The following DLG5 variants were observed in gnomAD, a reference collection of about 807,000 sequenced individuals.
The protein encoded by DLG5 is disks large homolog 5.
Under a neutral mutation model 189.8 loss-of-function variants are expected in DLG5, and 48 were observed. The observed-to-expected ratio is 0.25, with a 90% CI of 0.20 to 0.32. The LOEUF is 0.32. DLG5 is among the 10% of genes least tolerant of loss of function. The pLI is 1.00. For synonymous variants in DLG5, 1,016 were observed against 1,054.1 expected (o/e 0.96, Z 0.70); for missense variants, 2,160 against 2,544.7 (o/e 0.85, Z 3.25).
At chr10:77,920,397 C>T (rs1414691372) in intron 1 of DLG5, among the ~76,000 whole-genome samples, 2 of 152,196 alleles carry the variant, frequency 1.3e-5, no homozygotes, top group Non-Finnish European at 2.9e-5. Context: ...ACCGCCTGTG[C>T]TAACTGTATT....
chr10:77,801,415 AAAG>A (rs1439314837), intron 27 of DLG5, among the ~76,000 whole-genome samples: 1 of 138,634 alleles, frequency 7.2e-6, no homozygotes, highest in East Asian at 2.2e-4. Context: ...GGAGAGAAAG[AAAG>A]AAGTGGAAAA....
chr10:77,836,348 C>T (rs1206794779), intron 7 of DLG5, among the ~76,000 whole-genome samples: 2 of 152,090 alleles, frequency 1.3e-5, no homozygotes, highest in Non-Finnish European at 2.9e-5. Flanking sequence ...CTCTATAATC[C>T]TTAGACAACA....
intron 5 of DLG5, among the ~76,000 whole-genome samples, chr10:77,844,309 G>C (rs1461561307): frequency 6.6e-6 from 1 of 152,338 alleles, no homozygotes; most frequent in Middle Eastern, 3.4e-3. Context: ...AACTCCACCA[G>C]GAGAGGATTC....
chr10:77,845,035 C>T (rs1043508535), intron 5 of DLG5, among the ~76,000 whole-genome samples: 3 of 152,212 alleles, frequency 2.0e-5, no homozygotes, highest in Admixed American at 1.3e-4. Flanking sequence ...GCAGGCCTCA[C>T]AGTGAAGACT....
intron 4 of DLG5, 33 bp downstream of exon 4, chr10:77,854,194 G>A: frequency 6.2e-7 from 1 of 1,610,612 alleles, no homozygotes; most frequent in Non-Finnish European, 8.5e-7. Flanking sequence ...GTCTGTGGGT[G>A]TTGGAGGCCC....
chr10:77,932,884 C>T, the DLG5 span, among the ~76,000 whole-genome samples: 1 of 151,858 alleles, frequency 6.6e-6, no homozygotes, highest in African/African-American at 2.4e-5. Context: ...AGGAGGATTA[C>T]TTGAACCCAA....
At position 77,843,423 on chromosome 10, in the gene DLG5, G is replaced by C. The variant is rs745980410; in HGVS notation, c.1124+24C>G. On this transcript the variant is annotated intron_variant, in intron 6 of 31. Transcript: ENST00000372391. Reference sequence around the variant, plus strand: ...AACCTTATAGGACCCATTTGCCCCCGGCCCCCGATGGCCCTAGCCCTACCT... The same window carrying C: ...AACCTTATAGGACCCATTTGCCCCCCGCCCCCGATGGCCCTAGCCCTACCT... 1.9e-6 allele frequency: 3 copies of C among 1,608,948 alleles called. No individual in the cohort carries two copies. In the African/African-American group the frequency reaches 4.0e-5, roughly 21 times the overall value.
intron 1 of DLG5, among the ~76,000 whole-genome samples, chr10:77,919,054 A>G (rs1846457230): frequency 6.6e-6 from 1 of 152,110 alleles, no homozygotes; most frequent in African/African-American, 2.4e-5. Context: ...CGTCTCTACT[A>G]AAAATATAAA....
chr10:77,921,682 T>C (rs1200281014), intron 1 of DLG5, among the ~76,000 whole-genome samples: 1 of 152,200 alleles, frequency 6.6e-6, no homozygotes, highest in South Asian at 2.1e-4. Context: ...CATGGCTCCA[T>C]GCATTCAGAG....
intron 26 of DLG5, chr10:77,806,150 GTGACA>G: frequency 2.4e-6 from 1 of 409,590 alleles, no homozygotes; most frequent in Non-Finnish European, 4.3e-6. Flanking sequence ...CCTTCAATTG[GTGACA>G]TGACGAGTTA....
chr10:77,829,757 C>T (rs1188885810), intron 11 of DLG5, among the ~76,000 whole-genome samples: 1 of 152,210 alleles, frequency 6.6e-6, no homozygotes, highest in Non-Finnish European at 1.5e-5. Context: ...ATGACCTAGC[C>T]CCTCCAGGCC....
chr10:77,817,967 C>A (rs1231733130), intron 17 of DLG5, 78 bp from the exon 18 acceptor site: 16 of 1,230,704 alleles, frequency 1.3e-5, no homozygotes, highest in Non-Finnish European at 1.8e-5. Context: ...ACACACAGAC[C>A]AGGCAAGGGT....
At chr10:77,814,644 A>G (rs551655654) in intron 20 of DLG5, among the ~76,000 whole-genome samples, 2 of 151,526 alleles carry the variant, frequency 1.3e-5, no homozygotes, top group Admixed American at 6.6e-5. Context: ...GCGCAATCTC[A>G]GCTCACTGCA....
At position 77,792,554 on chromosome 10, in the gene DLG5, G is replaced by A. The variant is rs184189472; in HGVS notation, c.5657-11C>T. On this transcript the variant is annotated splice_polypyrimidine_tract_variant and intron_variant, in intron 31 of 31. Transcript: ENST00000372391. ...CTCCCTGGATGACCCCTGCAAAAGA[G>A]CCCCCCAGACACGTCATTCAGCTCA... The A allele has an allele frequency of 5.2e-5, 84 of 1,613,560 alleles. 1 individual carries two copies. The East Asian group carries it at 1.8e-3, about 34-fold the overall frequency.
At chr10:77,885,761 C>T (rs1845417523) in intron 1 of DLG5, among the ~76,000 whole-genome samples, 1 of 152,240 alleles carries the variant, frequency 6.6e-6, no homozygotes, top group South Asian at 2.1e-4. Context: ...CTTCAGCCCT[C>T]TCATAGTTTA....
At chr10:77,934,854 TTTTTTG>T in the DLG5 span, among the ~76,000 whole-genome samples, 1 of 136,750 alleles carries the variant, frequency 7.3e-6, no homozygotes, top group African/African-American at 3.5e-5. Context: ...TTTTTTTTGT[TTTTTTG>T]TTTTTTTTTT....
chr10:77,858,775 C>T (rs1052217626), intron 2 of DLG5, among the ~76,000 whole-genome samples: 2 of 151,792 alleles, frequency 1.3e-5, no homozygotes, highest in East Asian at 1.9e-4. Flanking sequence ...AAAAAAAGTA[C>T]AAAAAAATTA....
rs368293807 is a variant in DLG5, at chr10:77,794,051, C to T, written c.5613G>A (p.Glu1871=). The T allele has an allele frequency of 3.7e-6, 6 of 1,614,098 alleles. No individual in the cohort carries two copies. In the African/African-American group the frequency reaches 8.0e-5, roughly 22 times the overall value. The change falls in exon 31 of 32, where the codon GAG becomes GAA. Residue 1871 remains glutamate, a synonymous_variant. Coordinates refer to ENST00000372391, the MANE Select transcript of DLG5 (RefSeq NM_004747.4). ...ACTCCTGCTCAAGCTTCTGCGCCGC[C>T]TCAAACTGCTCTTTGGAATGCCTCT... The part of the protein sequence containing the change: ...VTQRHSKEQF[E]AAQKLEQEYS...
rs555289646 is a variant in DLG5, at chr10:77,827,350, C to T, written c.2289+1532G>A. On this transcript the variant is annotated intron_variant, in intron 13 of 31. Coordinates refer to ENST00000372391, the MANE Select transcript of DLG5 (RefSeq NM_004747.4). ...AAGTGATTCTCCTGCCTCAGCCTCC[C>T]GAGTAGCTGGGATTACAGGCACCCA... Among the ~76,000 whole-genome samples the T allele has an allele frequency of 3.0e-4, 45 of 152,158 alleles. No homozygotes were observed. The East Asian group carries it at 7.9e-3, about 27-fold the overall frequency.
Sources: allele counts gnomAD v4.1 joint callset (sites outside exome capture counted in the v4.1 genomes callset), GRCh38; gene constraint gnomAD v4.1.1; transcripts MANE v1.5; gene names NCBI Gene and HGNC (gene_info 2026-07-23, HGNC 2026-07-21).